Variants in TMC5 observed in about 807,000 individuals in gnomAD.
TMC5 encodes transmembrane channel like 5.
A neutral mutation model predicts 110.5 loss-of-function variants in TMC5; 86 were observed. The observed-to-expected ratio is 0.78, with a 90% CI of 0.65 to 0.93. TMC5 has a LOEUF of 0.93. Among genes scored for constraint, TMC5 ranks in the 40% least tolerant of loss-of-function variants. The pLI is 0.00. For missense variants in TMC5, 1,144 were observed against 1,222.8 expected (o/e 0.94, Z 0.96); for synonymous variants, 455 against 439.5 (o/e 1.04, Z -0.44).
intron 6 of TMC5, chr16:19,462,598 C>G (rs1301603842): frequency 2.9e-6 from 2 of 694,428 alleles, no homozygotes; most frequent in East Asian, 5.4e-5. Flanking sequence ...GGGAACTGCC[C>G]TTTATAAAAC....
chr16:19,456,544 T>G, intron 5 of TMC5: 1 of 1,420,018 alleles, frequency 7.0e-7, no homozygotes, highest in Non-Finnish European at 9.2e-7. Flanking sequence ...AGGGGTGGCT[T>G]TGGTGAGCTC....
At chr16:19,423,396 C>G (rs951500237) in intron 1 of TMC5, among the ~76,000 whole-genome samples, 18 of 152,346 alleles carry the variant, frequency 1.2e-4, no homozygotes, top group African/African-American at 4.3e-4. Flanking sequence ...TTGAGAACCA[C>G]TGCCAATGAT....
chr16:19,439,927 A>C (rs980425879), intron 2 of TMC5, 33 bp from the exon 3 acceptor site: 1 of 959,878 alleles, frequency 1.0e-6, no homozygotes. Flanking sequence ...AAGGGAAAAA[A>C]ATCTGACTTT....
rs928522661 is a variant in TMC5, at chr16:19,439,948, C to G, written c.-79-12C>G. 8.8e-7 allele frequency: 1 copy of G among 1,136,922 alleles called. No homozygotes were observed. The highest frequency in any genetic ancestry group is 1.3e-6 in the Non-Finnish European group (1 of 794,424). The allele number at this position is 1,136,922 out of a possible 1,614,324, so 70.4% of individuals were successfully genotyped here. A position where few individuals can be genotyped will look rare whatever the true frequency, so the allele number is the denominator to read the frequency against. On this transcript the variant is annotated splice_polypyrimidine_tract_variant and intron_variant, in intron 2 of 21. Transcript: ENST00000542583. Reference sequence around the variant, plus strand: ...AAAAAATCTGACTTTTTCTTTTCTTCTTGTTTTTCAGGTGAAAAAAAAAAA... The same window carrying G: ...AAAAAATCTGACTTTTTCTTTTCTTGTTGTTTTTCAGGTGAAAAAAAAAAA...
intron 1 of TMC5, among the ~76,000 whole-genome samples, chr16:19,428,945 C>T (rs747080465): frequency 4.6e-5 from 7 of 152,162 alleles, no homozygotes; most frequent in African/African-American, 1.7e-4. Flanking sequence ...TGTGCCTCAG[C>T]CTCCCAAGTA....
intron 3 of TMC5, among the ~76,000 whole-genome samples, chr16:19,441,879 C>A (rs1049904809): frequency 5.9e-5 from 9 of 152,326 alleles, no homozygotes; most frequent in African/African-American, 2.2e-4. Context: ...TCACAGCTCA[C>A]CACAGCCTCT....
chr16:19,435,140 C>A (rs1269828103), intron 2 of TMC5, among the ~76,000 whole-genome samples: 1 of 152,048 alleles, frequency 6.6e-6, no homozygotes, highest in African/African-American at 2.4e-5. Flanking sequence ...ATAATGGCTC[C>A]TGGGAGAATC....
Position 19,487,456 on chromosome 16 carries a change from C to CTA in TMC5, c.2573+132_2573+133dup, listed in dbSNP as rs1189999320. On this transcript the variant is annotated intron_variant, in intron 17 of 21. Transcript: ENST00000542583. ...GTGGCTCACGCCTGTGATCCCGGCA[C>CTA]TATGGGAGGCCAAGGCGGGTGGATC... 4.9e-6 allele frequency: 6 copies of CTA among 1,234,574 alleles called. No homozygotes were observed. In the African/African-American group the frequency reaches 9.2e-5, roughly 19 times the overall value. The allele number at this position is 1,234,574 out of a possible 1,614,324, so 76.5% of individuals were successfully genotyped here. A position where few individuals can be genotyped will look rare whatever the true frequency, so the allele number is the denominator to read the frequency against.
chr16:19,468,531 C>T (rs1367238492), intron 9 of TMC5, among the ~76,000 whole-genome samples: 3 of 151,960 alleles, frequency 2.0e-5, no homozygotes, highest in East Asian at 1.9e-4. Flanking sequence ...TATGTAACTT[C>T]GCATAACAAA....
upstream of TMC5, among the ~76,000 whole-genome samples, chr16:19,414,765 G>A (rs1164993250): frequency 6.6e-6 from 1 of 151,574 alleles, no homozygotes; most frequent in African/African-American, 2.4e-5. Flanking sequence ...AGAGAAATTA[G>A]GTGGGCATAG....
At chr16:19,456,661 C>T (rs777383355) in intron 5 of TMC5, 3 of 1,572,060 alleles carry the variant, frequency 1.9e-6, no homozygotes, top group Non-Finnish European at 2.6e-6. Context: ...TATGAAGTCT[C>T]AGGAAGCCCA....
chr16:19,488,198 G>A (rs1968800756), intron 17 of TMC5, among the ~76,000 whole-genome samples: 1 of 152,138 alleles, frequency 6.6e-6, no homozygotes, highest in Non-Finnish European at 1.5e-5. Flanking sequence ...GGGAGCTGGA[G>A]TCAGTAAGAC....
chr16:19,490,759 C>CTTCT (rs1555486657), intron 18 of TMC5, among the ~76,000 whole-genome samples, 191 bp downstream of exon 18: 7 of 53,522 alleles, frequency 1.3e-4, no homozygotes, highest in African/African-American at 2.5e-4. Context: ...TCCTTCCTTC[C>CTTCT]TTCCCTTCCT....
chr16:19,422,392 C>T (rs1245450830), intron 1 of TMC5, among the ~76,000 whole-genome samples: 1 of 152,174 alleles, frequency 6.6e-6, no homozygotes, highest in Non-Finnish European at 1.5e-5. Flanking sequence ...AACTCCAATG[C>T]CCTGCTTCCA....
At chr16:19,450,670 C>T (rs1402385793) in intron 5 of TMC5, among the ~76,000 whole-genome samples, 1 of 152,172 alleles carries the variant, frequency 6.6e-6, no homozygotes, top group Non-Finnish European at 1.5e-5. Flanking sequence ...CTGGGTCCAT[C>T]TCTAATGCGG....
At chr16:19,463,206 C>A in intron 6 of TMC5, 74 bp from the exon 7 acceptor site, 1 of 1,153,804 alleles carries the variant, frequency 8.7e-7, no homozygotes, top group Non-Finnish European at 1.3e-6. Flanking sequence ...AGGCATGAGC[C>A]ACCATGTAAC....
chr16:19,427,113 C>G (rs560744965), intron 1 of TMC5, among the ~76,000 whole-genome samples: 2 of 152,188 alleles, frequency 1.3e-5, no homozygotes, highest in East Asian at 3.9e-4. Context: ...TTCATGGGCA[C>G]CCAAGCTTGA....
chr16:19,451,205 C>T (rs563501681), intron 5 of TMC5, among the ~76,000 whole-genome samples: 41 of 152,224 alleles, frequency 2.7e-4, no homozygotes, highest in African/African-American at 9.6e-4. Context: ...GCTGGAGCCA[C>T]AAGGCAAATC....
rs1229853452 is a variant in TMC5, at chr16:19,440,812, A to G, written c.774A>G (p.Pro258=). Residue 258 remains proline (P), a synonymous_variant, in exon 3 of 22, where the codon CCA becomes CCG. Transcript: ENST00000542583. The stretch of plus-strand genomic sequence containing the variant: ...ATGATTATGGCTCTTCTGAGACCCC[A>G]AAGATGACCAGGGGGTAAGTTCAGA... ...NGHDYGSSET[P]KMTRGVLSRT... 5 of 1,612,928 alleles carry G rather than the reference A, an allele frequency of 3.1e-6. No homozygotes were observed. The highest frequency in any genetic ancestry group is 4.2e-6 in the Non-Finnish European group (5 of 1,179,658).
Sources: allele counts gnomAD v4.1 joint callset (sites outside exome capture counted in the v4.1 genomes callset), GRCh38; gene constraint gnomAD v4.1.1; transcripts MANE v1.5; gene names NCBI Gene and HGNC (gene_info 2026-07-23, HGNC 2026-07-21).